The following GPC5 variants were observed in gnomAD, a reference collection of about 807,000 sequenced individuals.
GPC5 encodes the protein glypican-5.
Under a neutral mutation model 53.9 loss-of-function variants are expected in GPC5, and 47 were observed. The observed-to-expected ratio is 0.87, with a 90% confidence interval of 0.69 to 1.11. GPC5 has a LOEUF of 1.11. GPC5 is among the 50% of genes most tolerant of loss of function. The probability of loss-of-function intolerance (pLI) is 0.00; values close to 1 mark genes in which losing one functional copy is unlikely to be tolerated. For missense variants in GPC5, 748 were observed against 713.1 expected (o/e 1.05, Z -0.56); for synonymous variants, 286 against 263.3 (o/e 1.09, Z -0.84).
chr13:92,767,415 G>A (rs919648049), intron 7 of GPC5, among the ~76,000 whole-genome samples: 1 of 152,168 alleles, frequency 6.6e-6, no homozygotes, highest in African/African-American at 2.4e-5. Context: ...AGGTTGCAGT[G>A]AGCCGGGATC....
intron 2 of GPC5, among the ~76,000 whole-genome samples, chr13:91,633,475 C>A (rs1199326293): frequency 1.3e-5 from 2 of 152,034 alleles, no homozygotes; most frequent in Non-Finnish European, 2.9e-5. Context: ...TCATAACAGT[C>A]TTGTATGTTC....
chr13:92,837,699 T>C (rs779593966), intron 7 of GPC5, among the ~76,000 whole-genome samples: 10 of 152,112 alleles, frequency 6.6e-5, no homozygotes, highest in Non-Finnish European at 1.2e-4. Flanking sequence ...TATCAGAGTA[T>C]AAAACTACCG....
chr13:91,782,346 G>T (rs1435637242), intron 5 of GPC5, among the ~76,000 whole-genome samples: 2 of 152,116 alleles, frequency 1.3e-5, no homozygotes, highest in East Asian at 3.9e-4. Context: ...ATTTATAAAA[G>T]AAAGAGGTTT....
intron 7 of GPC5, among the ~76,000 whole-genome samples, chr13:92,797,131 G>T (rs1876713489): frequency 6.6e-6 from 1 of 152,012 alleles, no homozygotes; most frequent in Non-Finnish European, 1.5e-5. Context: ...TTTAAAATGA[G>T]AATACTACTA....
intron 7 of GPC5, among the ~76,000 whole-genome samples, chr13:92,292,919 G>C (rs1246840242): frequency 2.6e-5 from 4 of 151,942 alleles, no homozygotes; most frequent in Admixed American, 2.6e-4. Flanking sequence ...TTGTTGAAAA[G>C]AGTGTCCTTT....
chr13:91,956,918 A>G (rs1033426834), intron 6 of GPC5, among the ~76,000 whole-genome samples: 3 of 152,184 alleles, frequency 2.0e-5, no homozygotes, highest in Non-Finnish European at 4.4e-5. Flanking sequence ...AACATGAAAA[A>G]GCAAGGAAAT....
At chr13:92,343,925 A>G (rs2043388016) in intron 7 of GPC5, among the ~76,000 whole-genome samples, 1 of 151,920 alleles carries the variant, frequency 6.6e-6, no homozygotes. Flanking sequence ...TCTCTGTTTC[A>G]TTATTTTGGG....
At chr13:92,500,995 G>A (rs9561075) in intron 7 of GPC5, among the ~76,000 whole-genome samples, 86,248 of 151,844 alleles carry the variant, frequency 0.57, 25,242 homozygotes, top group East Asian at 0.75. Context: ...TAAAACAAAA[G>A]TGGAGATATT....
intron 6 of GPC5, among the ~76,000 whole-genome samples, chr13:92,079,343 C>A (rs796127130): frequency 4.6e-5 from 7 of 152,364 alleles, no homozygotes; most frequent in African/African-American, 1.7e-4. Flanking sequence ...AGCCACCATG[C>A]CCAGCCAGGA....
chr13:92,253,487 T>A (rs571434180), intron 7 of GPC5, among the ~76,000 whole-genome samples: 16 of 152,196 alleles, frequency 1.1e-4, no homozygotes, highest in Non-Finnish European at 1.8e-4. Context: ...AAATTAGCAG[T>A]TAGTCATGCA....
intron 7 of GPC5, among the ~76,000 whole-genome samples, chr13:92,528,801 A>G (rs1299937648): frequency 6.6e-6 from 1 of 151,988 alleles, no homozygotes; most frequent in Non-Finnish European, 1.5e-5. Context: ...TGTCATTAAA[A>G]TAATTCTTTC....
At chr13:91,622,548 G>T in intron 2 of GPC5, among the ~76,000 whole-genome samples, 2 of 152,168 alleles carry the variant, frequency 1.3e-5, no homozygotes, top group East Asian at 3.9e-4. Flanking sequence ...GTTTACATAT[G>T]AATTGAAGAA....
At chr13:92,536,832 GAA>G (rs1456148722) in intron 7 of GPC5, among the ~76,000 whole-genome samples, 1 of 151,864 alleles carries the variant, frequency 6.6e-6, no homozygotes, top group African/African-American at 2.4e-5. Flanking sequence ...ATTAATGATA[GAA>G]AAAAGAGTCA....
At chr13:91,500,350 GAATCTTGGTCAGCC>G (rs780036059) in intron 2 of GPC5, among the ~76,000 whole-genome samples, 15 of 152,238 alleles carry the variant, frequency 9.9e-5, no homozygotes, top group Admixed American at 7.9e-4. Flanking sequence ...AGGAGAGGAA[GAATCTTGGTCAGCC>G]AATGTGGCTG....
In GPC5 at chr13:92,133,597, G is replaced by A. The variant is rs542973974; in HGVS notation, c.1402-11233G>A. On this transcript the variant is annotated intron_variant, in intron 6 of 7. Transcript: ENST00000377067. ...TAAAAGGAGCCCTTACTTTGGCATT[G>A]TATCATGATTAAAGTCTTCCTCCCT... Among the ~76,000 whole-genome samples, 72 of 152,260 alleles carry A rather than the reference G, an allele frequency of 4.7e-4. 2 individuals carry two copies. In the South Asian group the frequency reaches 6.6e-3, roughly 14 times the overall value.
At chr13:92,298,007 T>A (rs907672466) in intron 7 of GPC5, among the ~76,000 whole-genome samples, 1 of 152,084 alleles carries the variant, frequency 6.6e-6, no homozygotes, top group African/African-American at 2.4e-5. Context: ...GGCTTCATTC[T>A]TGAAGTCAGT....
At chr13:92,163,440 AAC>A (rs1164992864) in intron 7 of GPC5, among the ~76,000 whole-genome samples, 5 of 146,110 alleles carry the variant, frequency 3.4e-5, no homozygotes, top group African/African-American at 1.1e-4. Flanking sequence ...CTGCCTGAGT[AAC>A]ACAGTGAGAT....
intron 7 of GPC5, among the ~76,000 whole-genome samples, chr13:92,690,918 G>C (rs1413610041): frequency 1.6e-5 from 1 of 61,248 alleles, no homozygotes. Context: ...GAGGCAGTCT[G>C]CCCATTCTCA....
chr13:92,492,915 T>G (rs1229704039), intron 7 of GPC5, among the ~76,000 whole-genome samples: 1 of 152,194 alleles, frequency 6.6e-6, no homozygotes, highest in Non-Finnish European at 1.5e-5. Flanking sequence ...GAATAATTTT[T>G]TTCCATCTGA....
Sources: allele counts gnomAD v4.1 joint callset (sites outside exome capture counted in the v4.1 genomes callset), GRCh38; gene constraint gnomAD v4.1.1; transcripts MANE v1.5; gene names NCBI Gene and HGNC (gene_info 2026-07-23, HGNC 2026-07-21).